The following ANO4 variants were observed in gnomAD, a reference collection of about 807,000 sequenced individuals.
The protein encoded by ANO4 is anoctamin 4.
In ANO4, 69 loss-of-function variants were observed where a neutral mutation model predicts 141.9. The ratio of observed to expected loss-of-function variants is 0.49; its 90% CI spans 0.40 to 0.59. The LOEUF (loss-of-function observed/expected upper bound fraction) is 0.59. Among genes scored for constraint, ANO4 ranks in the 20% least tolerant of loss-of-function variants. The pLI, the probability that ANO4 is intolerant of heterozygous loss-of-function variation, is 0.00. For missense variants in ANO4, 894 were observed against 1,162.2 expected (o/e 0.77, Z 3.36); for synonymous variants, 350 against 394.3 (o/e 0.89, Z 1.33).
At position 100,722,269 on chromosome 12, in the gene ANO4, G is replaced by A. The variant is rs78139463; in HGVS notation, c.22+4722G>A. Among the ~76,000 whole-genome samples the A allele has an allele frequency of 4.1e-3, 631 of 152,268 alleles. 11 individuals are homozygous for A. In the East Asian group the frequency reaches 0.053, roughly 13 times the overall value. ...GCCACCATCATTGCCCACTTTGGCTGCAACAGTGGCCTCCCAACTGGTTCC... is the reference window on the plus strand; with the variant it reads ...GCCACCATCATTGCCCACTTTGGCTACAACAGTGGCCTCCCAACTGGTTCC... On this transcript the variant is annotated intron_variant, in intron 1 of 29. Coordinates refer to the ANO4 transcript ENST00000644049.
rs565970996 is a variant in ANO4, at chr12:100,725,386, A to G, written c.22+7839A>G. Among the ~76,000 whole-genome samples the G allele has an allele frequency of 2.8e-3, 365 of 131,474 alleles. 2 individuals carry two copies. The highest frequency in any genetic ancestry group is 8.6e-3 in the African/African-American group (290 of 33,878). 86.3% of individuals were successfully genotyped at this position (131,474 alleles called of 152,430 possible). A position where few individuals can be genotyped will look rare whatever the true frequency, so the allele number is the denominator to read the frequency against. The stretch of plus-strand genomic sequence containing the variant: ...TTTTGAGACGGAGTCTCACTCTGTC[A>G]CCCAGGCTGGAGTGCAGTGGCGCGA... On this transcript the variant is annotated intron_variant, in intron 1 of 29. Coordinates refer to the ANO4 transcript ENST00000644049.
chr12:101,017,131 G>A (rs1192495017), intron 8 of ANO4, among the ~76,000 whole-genome samples: 1 of 152,172 alleles, frequency 6.6e-6, no homozygotes, highest in Admixed American at 6.5e-5. Flanking sequence ...AATTTATAAA[G>A]GAAAGGAGGT....
At chr12:101,063,018 G>A (rs1305468732) in intron 14 of ANO4, among the ~76,000 whole-genome samples, 1 of 152,242 alleles carries the variant, frequency 6.6e-6, no homozygotes, top group Non-Finnish European at 1.5e-5. Context: ...GGTGGCACAG[G>A]CACCTGAGGG....
Position 101,119,117 on chromosome 12 carries a change from T to C in ANO4, c.2571-1403T>C, listed in dbSNP as rs1471008899. 2.0e-5 allele frequency among the ~76,000 whole-genome samples: 3 copies of C among 152,166 alleles called. No homozygotes were observed. In the East Asian group the frequency reaches 5.8e-4, roughly 29 times the overall value. ...CACATTTTCTTAATCCAGTCTATCA[T>C]TGATGGAGCTTTCTTTTTCAAAGCT... is the stretch of plus-strand genomic sequence containing the variant. On this transcript the variant is annotated intron_variant, in intron 25 of 27. Coordinates refer to ENST00000392977, the MANE Select transcript of ANO4 (RefSeq NM_001286615.2).
chr12:100,947,474 T>C (rs1256943721), intron 5 of ANO4, among the ~76,000 whole-genome samples: 2 of 152,172 alleles, frequency 1.3e-5, no homozygotes, highest in African/African-American at 4.8e-5. Context: ...CCCACTCAAA[T>C]ACATTGCTTC....
chr12:100,732,555 G>A lies in ANO4; in HGVS notation c.23-1219G>A, dbSNP rs539244211. Among the ~76,000 whole-genome samples, 4 of 152,254 alleles carry A rather than the reference G, an allele frequency of 2.6e-5. No homozygotes were observed. In the East Asian group the frequency reaches 7.7e-4, roughly 29 times the overall value. On this transcript the variant is annotated intron_variant, in intron 1 of 29. Transcript: ENST00000644049. ...TTCTGTTTGTATTATCTTTCATAGA[G>A]TAGCAGTTTTTAATCCAGTGTATCC...
At chr12:101,124,287 T>C (rs929303406) in intron 26 of ANO4, among the ~76,000 whole-genome samples, 2 of 152,188 alleles carry the variant, frequency 1.3e-5, no homozygotes, top group African/African-American at 4.8e-5. Flanking sequence ...TGTCTGTTTA[T>C]GTCTTTTGCC....
intron 1 of ANO4, among the ~76,000 whole-genome samples, chr12:100,861,350 A>G (rs771198025): frequency 7.9e-5 from 12 of 152,206 alleles, no homozygotes; most frequent in East Asian, 1.9e-4. Flanking sequence ...GATATGGTCT[A>G]TTGCTCCTAG....
chr12:100,778,851 ATTAAAG>A (rs1292338137), intron 3 of ANO4, among the ~76,000 whole-genome samples: 5 of 152,218 alleles, frequency 3.3e-5, no homozygotes, highest in Non-Finnish European at 7.3e-5. Context: ...TTAGCATCGT[ATTAAAG>A]TTATTTTTAT....
chr12:100,912,392 CAAA>C (rs35934592), intron 2 of ANO4, among the ~76,000 whole-genome samples: 6 of 67,350 alleles, frequency 8.9e-5, no homozygotes, highest in Admixed American at 1.8e-4. Flanking sequence ...AGGACTCTGT[CAAA>C]AAAAAAAAAA....
At chr12:100,845,627 G>A (rs1343130479) in intron 1 of ANO4, among the ~76,000 whole-genome samples, 1 of 151,956 alleles carries the variant, frequency 6.6e-6, no homozygotes, top group Non-Finnish European at 1.5e-5. Flanking sequence ...TGTGATACAT[G>A]GCTACATAAT....
At chr12:100,990,404 A>G (rs1343806268) in intron 8 of ANO4, among the ~76,000 whole-genome samples, 1 of 152,202 alleles carries the variant, frequency 6.6e-6, no homozygotes, top group Non-Finnish European at 1.5e-5. Flanking sequence ...ATTTCTAGGG[A>G]CTAGAACTGA....
intron 7 of ANO4, among the ~76,000 whole-genome samples, chr12:100,985,909 T>C (rs116735636): frequency 0.019 from 2,922 of 152,322 alleles, 98 homozygotes; most frequent in African/African-American, 0.067. Context: ...ATGTTCAACC[T>C]GGCTGGGCTA....
intron 3 of ANO4, among the ~76,000 whole-genome samples, chr12:100,779,851 A>G (rs1219174837): frequency 6.6e-6 from 1 of 152,166 alleles, no homozygotes; most frequent in Non-Finnish European, 1.5e-5. Flanking sequence ...GTCCCTTTAT[A>G]TCAGTGATCA....
At chr12:100,833,288 T>G (rs532037861) in intron 1 of ANO4, among the ~76,000 whole-genome samples, 1 of 152,162 alleles carries the variant, frequency 6.6e-6, no homozygotes, top group Admixed American at 6.6e-5. Flanking sequence ...ATCATTAGGG[T>G]TTGATGCAGC....
intron 5 of ANO4, among the ~76,000 whole-genome samples, chr12:100,946,906 A>G (rs2042750227): frequency 6.6e-6 from 1 of 152,214 alleles, no homozygotes; most frequent in South Asian, 2.1e-4. Context: ...GGAGGAATCA[A>G]CTGTGTCAAA....
intron 1 of ANO4, among the ~76,000 whole-genome samples, chr12:100,847,938 A>G (rs989768774): frequency 2.6e-5 from 4 of 152,220 alleles, no homozygotes; most frequent in African/African-American, 9.6e-5. Flanking sequence ...AAAACTTCCC[A>G]TTTTAGGCCA....
At chr12:101,081,432 T>G (rs1396093380) in intron 15 of ANO4, among the ~76,000 whole-genome samples, 2 of 152,208 alleles carry the variant, frequency 1.3e-5, no homozygotes. Flanking sequence ...TGGAGCCTTC[T>G]GTCTTCCCAG....
intron 3 of ANO4, among the ~76,000 whole-genome samples, chr12:100,748,038 G>C (rs543776887): frequency 2.0e-4 from 30 of 152,148 alleles, no homozygotes; most frequent in Non-Finnish European, 4.1e-4. Flanking sequence ...AGCAGAGCAT[G>C]GTGTCTTATA....
Sources: allele counts gnomAD v4.1 joint callset (sites outside exome capture counted in the v4.1 genomes callset), GRCh38; gene constraint gnomAD v4.1.1; transcripts MANE v1.5; gene names NCBI Gene and HGNC (gene_info 2026-07-23, HGNC 2026-07-21).